The following SLC12A2 variants were observed in gnomAD, a reference collection of about 807,000 sequenced individuals.
SLC12A2 encodes the protein Na-K-2Cl cotransporter 1.
Under a neutral mutation model 136.3 loss-of-function variants are expected in SLC12A2, and 67 were observed. The ratio of observed to expected loss-of-function variants is 0.49; its 90% CI spans 0.40 to 0.60. The LOEUF is 0.60. SLC12A2 is among the 20% of genes least tolerant of loss of function. The pLI, the probability that SLC12A2 is intolerant of heterozygous loss-of-function variation, is 0.00. For missense variants in SLC12A2, 1,322 were observed against 1,534.7 expected, an observed-to-expected ratio of 0.86 and a Z score of 2.32; for synonymous variants, 619 against 562.9, an observed-to-expected ratio of 1.10 and a Z score of -1.41.
chr5:128,127,736 CCTT>C (rs1377658002), intron 4 of SLC12A2, among the ~76,000 whole-genome samples: 1 of 151,942 alleles, frequency 6.6e-6, no homozygotes, highest in Non-Finnish European at 1.5e-5. Context: ...TAATATATTA[CCTT>C]CTTAACTTTT....
intron 2 of SLC12A2, among the ~76,000 whole-genome samples, 190 bp downstream of exon 2, chr5:128,113,123 A>G (rs1255789902): frequency 2.6e-5 from 4 of 152,170 alleles, no homozygotes; most frequent in Non-Finnish European, 5.9e-5. Flanking sequence ...AGCAAAGGAG[A>G]TATGCCATTT....
intron 15 of SLC12A2, among the ~76,000 whole-genome samples, chr5:128,153,837 G>T (rs947202613): frequency 6.6e-6 from 1 of 151,814 alleles, no homozygotes; most frequent in Non-Finnish European, 1.5e-5. Context: ...CTTTTTGCTA[G>T]ACTAAAAAGG....
At chr5:128,101,891 C>A (rs1260175082) in intron 1 of SLC12A2, among the ~76,000 whole-genome samples, 1 of 152,184 alleles carries the variant, frequency 6.6e-6, no homozygotes, top group African/African-American at 2.4e-5. Context: ...AATCCTTTAA[C>A]ACCACCATGT....
intron 17 of SLC12A2, among the ~76,000 whole-genome samples, chr5:128,166,389 G>A (rs930917770): frequency 6.6e-6 from 1 of 151,830 alleles, no homozygotes; most frequent in African/African-American, 2.4e-5. Flanking sequence ...AAAAATATTC[G>A]TTGCTGTTTT....
chr5:128,177,043 TTTA>T (rs929105928), intron 20 of SLC12A2, 59 bp from the exon 21 acceptor site: 16 of 1,031,850 alleles, frequency 1.6e-5, no homozygotes, highest in African/African-American at 3.4e-5. Context: ...TGATTACATT[TTTA>T]TTATTTTATT....
At chr5:128,182,637 T>TTAC (rs1763740314) in intron 23 of SLC12A2, among the ~76,000 whole-genome samples, 1 of 152,102 alleles carries the variant, frequency 6.6e-6, no homozygotes, top group Non-Finnish European at 1.5e-5. Flanking sequence ...TAAGGAGAGA[T>TTAC]TCAGAGAAAG....
chr5:128,120,507 C>T lies in SLC12A2; in HGVS notation c.1048+5826C>T, dbSNP rs573332766. 7.2e-3 allele frequency among the ~76,000 whole-genome samples: 1,085 copies of T among 151,624 alleles called. 10 individuals carry two copies. Among genetic ancestry groups the T allele is most frequent in the African/African-American group, 0.025 (1,019 of 41,084 alleles). ...GGATTAAGAAAATGTGGCACATATA[C>T]ACCATGGAATACTATGCAGCCATAA... On this transcript the variant is annotated intron_variant, in intron 4 of 26. Coordinates refer to ENST00000262461, the MANE Select transcript of SLC12A2 (RefSeq NM_001046.3).
intron 19 of SLC12A2, among the ~76,000 whole-genome samples, chr5:128,172,206 T>C (rs947604651): frequency 3.3e-5 from 5 of 152,204 alleles, no homozygotes; most frequent in African/African-American, 1.2e-4. Context: ...TAAAAACATT[T>C]TTTAATTTAA....
intron 17 of SLC12A2, among the ~76,000 whole-genome samples, chr5:128,166,101 CAG>C (rs1408652267): frequency 5.3e-5 from 8 of 152,048 alleles, no homozygotes; most frequent in African/African-American, 1.9e-4. Flanking sequence ...GTAAACTTTA[CAG>C]AGTTAGGGAT....
Position 128,167,872 on chromosome 5 carries a change from GTATCTT to G in SLC12A2, c.2723+7_2723+12del. The G allele has an allele frequency of 6.8e-7, 1 of 1,463,976 alleles. No homozygotes were observed. Among genetic ancestry groups the G allele is most frequent in the Non-Finnish European group, 9.3e-7 (1 of 1,071,738 alleles). 90.7% of individuals were successfully genotyped at this position (1,463,976 alleles called of 1,614,324 possible). On this transcript the variant is annotated splice_donor_region_variant and intron_variant, in intron 18 of 26. Transcript: ENST00000262461. ...TATGTATATAAACTTATTTCAGTAA[GTATCTT>G]TTTAATTCAATAATTTAGTTCATTT... is the stretch of plus-strand genomic sequence containing the variant.
At chr5:128,123,761 C>T (rs1369044577) in intron 4 of SLC12A2, among the ~76,000 whole-genome samples, 2 of 152,124 alleles carry the variant, frequency 1.3e-5, no homozygotes, top group African/African-American at 4.8e-5. Flanking sequence ...CCTTCAATGG[C>T]ATCATTAGAA....
At chr5:128,119,022 A>T (rs1363568620) in intron 4 of SLC12A2, among the ~76,000 whole-genome samples, 1 of 152,072 alleles carries the variant, frequency 6.6e-6, no homozygotes, top group Non-Finnish European at 1.5e-5. Context: ...TGTAGGTATG[A>T]GTTTTGTTTG....
At chr5:128,165,939 A>C (rs1763190400) in intron 17 of SLC12A2, among the ~76,000 whole-genome samples, 1 of 138,326 alleles carries the variant, frequency 7.2e-6, no homozygotes, top group African/African-American at 2.6e-5. Flanking sequence ...CCCCCAGTTA[A>C]AAATATGCTG....
At chr5:128,105,904 A>G (rs1760915661) in intron 1 of SLC12A2, among the ~76,000 whole-genome samples, 1 of 152,050 alleles carries the variant, frequency 6.6e-6, no homozygotes, top group East Asian at 1.9e-4. Context: ...AGTTCCAGTC[A>G]CACATTTTTT....
chr5:128,117,806 AT>A (rs1394469418), intron 4 of SLC12A2, among the ~76,000 whole-genome samples: 3 of 152,194 alleles, frequency 2.0e-5, no homozygotes, highest in African/African-American at 7.2e-5. Flanking sequence ...AGGAGAAAAT[AT>A]TTGCCAACTC....
chr5:128,186,723 C>A lies in SLC12A2; in HGVS notation c.*92C>A. 1 of 1,268,770 alleles carries A rather than the reference C, an allele frequency of 7.9e-7. No homozygotes were observed. Among genetic ancestry groups the A allele is most frequent in the Non-Finnish European group, 1.1e-6 (1 of 906,780 alleles). 78.6% of individuals were successfully genotyped at this position (1,268,770 alleles called of 1,614,324 possible). On this transcript the variant is annotated 3_prime_UTR_variant, in exon 27 of 27. Transcript: ENST00000262461. ...CAATGACACATTAACATCACAATGG[C>A]GAATGGTGACTTTTCTTTCACGATT...
intron 17 of SLC12A2, among the ~76,000 whole-genome samples, chr5:128,162,862 G>T (rs1432264950): frequency 6.6e-6 from 1 of 152,188 alleles, no homozygotes; most frequent in Non-Finnish European, 1.5e-5. Context: ...CCAACCCGTG[G>T]ACTACATATG....
chr5:128,151,314 G>A lies in SLC12A2; in HGVS notation c.2181G>A (p.Met727Ile). 1 of 1,612,868 alleles carries A rather than the reference G, an allele frequency of 6.2e-7. No individual in the cohort carries two copies. The highest frequency in any genetic ancestry group is 8.5e-7 in the Non-Finnish European group (1 of 1,179,366). Residue 727 changes from methionine (M) to isoleucine (I), a missense_variant, in exon 14 of 27, where the codon ATG (methionine) becomes ATA (isoleucine). Coordinates refer to ENST00000262461, the MANE Select transcript of SLC12A2 (RefSeq NM_001046.3). ...LLGAILCCIV[M>I]FVINWWAALL... ...GAGCAATTCTTTGTTGCATAGTAATGTTCGTCATTAACTGGTGGGCTGCAT... is the reference window on the plus strand; with the variant it reads ...GAGCAATTCTTTGTTGCATAGTAATATTCGTCATTAACTGGTGGGCTGCAT...
At chr5:128,155,345 T>C (rs578119138) in intron 15 of SLC12A2, among the ~76,000 whole-genome samples, 1 of 152,322 alleles carries the variant, frequency 6.6e-6, no homozygotes, top group East Asian at 1.9e-4. Flanking sequence ...AACTGATGTC[T>C]TTCATCTACG....
Sources: allele counts gnomAD v4.1 joint callset (sites outside exome capture counted in the v4.1 genomes callset), GRCh38; gene constraint gnomAD v4.1.1; transcripts MANE v1.5; gene names NCBI Gene and HGNC (gene_info 2026-07-23, HGNC 2026-07-21).